The following RALGPS2 variants were observed in gnomAD, a reference collection of about 807,000 sequenced individuals.
RALGPS2 encodes the protein ras-specific guanine nucleotide-releasing factor RalGPS2.
A neutral mutation model predicts 86.8 loss-of-function variants in RALGPS2; 43 were observed. The ratio of observed to expected loss-of-function variants is 0.50; its 90% confidence interval spans 0.39 to 0.64. The LOEUF (loss-of-function observed/expected upper bound fraction) is 0.64. Among genes scored for constraint, RALGPS2 ranks in the 30% least tolerant of loss-of-function variants. The pLI is 0.00. For missense variants in RALGPS2, 536 were observed against 694.6 expected (o/e 0.77, Z 2.57); for synonymous variants, 243 against 231.3 (o/e 1.05, Z -0.46).
At chr1:178,804,383 C>T (rs1292900469) in intron 4 of RALGPS2, among the ~76,000 whole-genome samples, 1 of 140,956 alleles carries the variant, frequency 7.1e-6, no homozygotes, top group Non-Finnish European at 1.5e-5. Flanking sequence ...CCCACTAACT[C>T]GTCATCTAGC....
chr1:178,840,007 C>T (rs1311656929), intron 8 of RALGPS2, among the ~76,000 whole-genome samples: 1 of 150,350 alleles, frequency 6.7e-6, no homozygotes, highest in Non-Finnish European at 1.5e-5. Flanking sequence ...AAAGCAAGTC[C>T]TTAGAGACCT....
intron 1 of RALGPS2, among the ~76,000 whole-genome samples, chr1:178,756,008 C>T (rs757479986): frequency 1.3e-5 from 2 of 152,030 alleles, no homozygotes; most frequent in Non-Finnish European, 2.9e-5. Flanking sequence ...CTGTTTGTAT[C>T]TTTTGTCCTT....
At chr1:178,770,114 T>C (rs988293670) in intron 1 of RALGPS2, among the ~76,000 whole-genome samples, 1 of 149,524 alleles carries the variant, frequency 6.7e-6, no homozygotes, top group Admixed American at 6.7e-5. Flanking sequence ...CCTCCCAGGC[T>C]CAGGTGATTC....
At chr1:178,891,120 A>G (rs1036255206) in intron 14 of RALGPS2, among the ~76,000 whole-genome samples, 1 of 152,120 alleles carries the variant, frequency 6.6e-6, no homozygotes, top group African/African-American at 2.4e-5. Context: ...TTATGAAGAC[A>G]GTATTTAATG....
At chr1:178,901,804 A>G (rs79022216) in intron 17 of RALGPS2, among the ~76,000 whole-genome samples, 5 of 151,852 alleles carry the variant, frequency 3.3e-5, no homozygotes, top group East Asian at 1.9e-4. Flanking sequence ...AGTAATTCAG[A>G]AAAAAAACAA....
Position 178,776,698 on chromosome 1 carries a change from G to A in RALGPS2, c.-67G>A. 8.4e-7 allele frequency: 1 copy of A among 1,196,654 alleles called. No individual in the cohort carries two copies. Among genetic ancestry groups the A allele is most frequent in the South Asian group, 1.4e-5 (1 of 69,152 alleles). The allele number at this position is 1,196,654 out of a possible 1,614,324, so 74.1% of individuals were successfully genotyped here. A position where few individuals can be genotyped will look rare whatever the true frequency, so the allele number is the denominator to read the frequency against. On this transcript the variant is annotated 5_prime_UTR_variant, in exon 2 of 20. The change creates a premature stop within an existing upstream ORF in the 5' untranslated region. Transcript: ENST00000367635. ...TTTTTACAGGAATAATGTATTTGTGGCCTTGGACATGAGGCAGTCAGTCCT... is the reference window on the plus strand; with the variant it reads ...TTTTTACAGGAATAATGTATTTGTGACCTTGGACATGAGGCAGTCAGTCCT...
chr1:178,873,048 G>T (rs990644314), intron 8 of RALGPS2, among the ~76,000 whole-genome samples: 2 of 152,076 alleles, frequency 1.3e-5, no homozygotes, highest in African/African-American at 4.8e-5. Context: ...GGCTTAGGGG[G>T]AAGATACGAA....
At chr1:178,824,800 C>G (rs1428128777) in intron 7 of RALGPS2, among the ~76,000 whole-genome samples, 1 of 150,872 alleles carries the variant, frequency 6.6e-6, no homozygotes, top group Non-Finnish European at 1.5e-5. Flanking sequence ...CAGAGCAAGA[C>G]TCTGTCTCAA....
intron 1 of RALGPS2, among the ~76,000 whole-genome samples, chr1:178,736,626 G>A (rs931002029): frequency 5.3e-5 from 8 of 152,108 alleles, no homozygotes; most frequent in African/African-American, 1.9e-4. Flanking sequence ...AGTCAGGTGC[G>A]GTGGCTCACA....
At chr1:178,751,127 C>T (rs920933833) in intron 1 of RALGPS2, among the ~76,000 whole-genome samples, 6 of 152,148 alleles carry the variant, frequency 3.9e-5, no homozygotes, top group African/African-American at 1.4e-4. Flanking sequence ...CACACACAGA[C>T]ACACACACCC....
chr1:178,798,497 C>T (rs1236330123), intron 4 of RALGPS2, among the ~76,000 whole-genome samples: 1 of 152,182 alleles, frequency 6.6e-6, no homozygotes, highest in African/African-American at 2.4e-5. Context: ...GGTGGAAGTG[C>T]TTCTAAGAAG....
chr1:178,747,883 A>G, intron 1 of RALGPS2: 1 of 552,142 alleles, frequency 1.8e-6, no homozygotes, highest in Non-Finnish European at 3.3e-6. Context: ...GGGAATTAAA[A>G]TCAGTGAACT....
chr1:178,831,817 C>T (rs1269883305), intron 7 of RALGPS2, among the ~76,000 whole-genome samples: 1 of 152,088 alleles, frequency 6.6e-6, no homozygotes, highest in East Asian at 1.9e-4. Context: ...TCATATTCTT[C>T]CTCTAGTCTT....
At chr1:178,799,730 T>TC (rs2102168145) in intron 4 of RALGPS2, among the ~76,000 whole-genome samples, 1 of 152,270 alleles carries the variant, frequency 6.6e-6, no homozygotes, top group South Asian at 2.1e-4. Context: ...CCCCGTGTGT[T>TC]CAACACCAAA....
At chr1:178,886,558 C>G (rs75226422) in intron 13 of RALGPS2, among the ~76,000 whole-genome samples, 2,604 of 152,168 alleles carry the variant, frequency 0.017, 73 homozygotes, top group African/African-American at 0.058. Context: ...TGTTTAGTCC[C>G]TATGGAGATG....
chr1:178,894,237 T>C, intron 16 of RALGPS2: 1 of 375,540 alleles, frequency 2.7e-6, no homozygotes, highest in Non-Finnish European at 4.8e-6. Flanking sequence ...CAAATTACCA[T>C]CATTTGGAAC....
rs1647232673 is a variant in RALGPS2 at position 178,919,998 on chromosome 1, A to C, written c.*3639A>C. The C allele has an allele frequency of 6.6e-6, 1 of 152,038 alleles. No homozygotes were observed. Among genetic ancestry groups the C allele is most frequent in the East Asian group, 1.9e-4 (1 of 5,200 alleles). The allele number at this position is 152,038 out of a possible 1,614,324, so 9.4% of individuals were successfully genotyped here. On this transcript the variant is annotated 3_prime_UTR_variant, in exon 20 of 20. Transcript: ENST00000367635. ...AATAGATGATACAAAGCAAGTGATG[A>C]GGTTGGTATGACTTCTTTAGTGACC...
intron 1 of RALGPS2, among the ~76,000 whole-genome samples, chr1:178,742,413 GT>G (rs1651088049): frequency 6.6e-6 from 1 of 152,104 alleles, no homozygotes; most frequent in Non-Finnish European, 1.5e-5. Context: ...GGATGTAATA[GT>G]TCTAAACATT....
At chr1:178,856,194 G>GATATATATAT (rs776840814) in intron 8 of RALGPS2, among the ~76,000 whole-genome samples, 12 of 99,176 alleles carry the variant, frequency 1.2e-4, no homozygotes, top group African/African-American at 2.7e-4. Context: ...CTTTTCCAGA[G>GATATATATAT]AGAGAGAGAT....
Sources: allele counts gnomAD v4.1 joint callset (sites outside exome capture counted in the v4.1 genomes callset), GRCh38; gene constraint gnomAD v4.1.1; transcripts MANE v1.5; gene names NCBI Gene and HGNC (gene_info 2026-07-23, HGNC 2026-07-21).